Variants in PCBD2 observed in about 807,000 individuals in gnomAD.
PCBD2 encodes the protein pterin-4 alpha-carbinolamine dehydratase 2, also known as pterin-4-alpha-carbinolamine dehydratase 2.
In PCBD2, 12 loss-of-function variants were observed where a neutral mutation model predicts 16.4. That is an observed-to-expected ratio of 0.73 (90% CI 0.47 to 1.19). The LOEUF (loss-of-function observed/expected upper bound fraction) is 1.19, where lower values mean the gene tolerates loss of function less well. Ranked by LOEUF, PCBD2 falls within the 50% of genes most tolerant of loss-of-function variation. PCBD2 has a pLI of 0.00. For missense variants in PCBD2, 138 were observed against 156.8 expected, an observed-to-expected ratio of 0.88 and a Z score of 0.64; for synonymous variants, 58 against 61.8, an observed-to-expected ratio of 0.94 and a Z score of 0.29.
At chr5:134,951,765 C>G (rs1189656529) in intron 2 of PCBD2, among the ~76,000 whole-genome samples, 1 of 152,030 alleles carries the variant, frequency 6.6e-6, no homozygotes, top group Non-Finnish European at 1.5e-5. Flanking sequence ...GTTTCAGAAC[C>G]ATTTGAATTT....
At chr5:134,925,508 C>T (rs1750978087) in intron 2 of PCBD2, 6 of 398,342 alleles carry the variant, frequency 1.5e-5, no homozygotes, top group East Asian at 1.4e-4. Flanking sequence ...TGGTTGATGC[C>T]GATTGTGACT....
At chr5:134,946,113 CAAAA>C (rs956738222) in intron 2 of PCBD2, among the ~76,000 whole-genome samples, 19 of 150,800 alleles carry the variant, frequency 1.3e-4, no homozygotes, top group African/African-American at 4.6e-4. Context: ...AAAACAAAAA[CAAAA>C]AATCCCTACT....
chr5:134,936,347 C>CA (rs1365337622), intron 2 of PCBD2, among the ~76,000 whole-genome samples: 5 of 152,176 alleles, frequency 3.3e-5, no homozygotes, highest in Non-Finnish European at 7.3e-5. Flanking sequence ...TCTGCTCCTT[C>CA]ACTCCTTAAT....
intron 2 of PCBD2, chr5:134,923,852 G>A: frequency 5.1e-6 from 2 of 394,306 alleles, no homozygotes; most frequent in East Asian, 3.6e-5. Context: ...TGATATGGGC[G>A]ATCGATGAGA....
chr5:134,916,416 CTTGG>C (rs1285946869), intron 2 of PCBD2, among the ~76,000 whole-genome samples: 1 of 152,078 alleles, frequency 6.6e-6, no homozygotes, highest in East Asian at 1.9e-4. Flanking sequence ...TATGATTTTA[CTTGG>C]TTGGGTGTCA....
In PCBD2 at chr5:134,910,303, A is replaced by G. The variant is rs1360249261; in HGVS notation, c.85-32A>G. The G allele has an allele frequency of 3.1e-6, 5 of 1,602,944 alleles. No homozygotes were observed. The South Asian group carries it at 3.4e-5, about 11-fold the overall frequency. On this transcript the variant is annotated intron_variant, in intron 1 of 3. Coordinates refer to ENST00000254908, the MANE Select transcript of PCBD2 (RefSeq NM_032151.5). ...AGTTTGAGTTTGAGTAAACTTGTAC[A>G]TTTTCAGATATGAAATGTGTTCTCT...
chr5:134,924,575 A>G, intron 2 of PCBD2: 1 of 398,856 alleles, frequency 2.5e-6, no homozygotes, highest in Non-Finnish European at 4.4e-6. Context: ...ATGGGCGTTG[A>G]TTAGTAGTAG....
Position 134,960,709 on chromosome 5 carries a change from G to C in PCBD2, c.*28G>C. On this transcript the variant is annotated 3_prime_UTR_variant, in exon 4 of 4. Transcript: ENST00000254908. Reference sequence around the variant, plus strand: ...TCTTCCAAAATACATGTAAAATCTTGTACACATCTTAGCTGCAATGTATGT... The same window carrying C: ...TCTTCCAAAATACATGTAAAATCTTCTACACATCTTAGCTGCAATGTATGT... 6.6e-7 allele frequency: 1 copy of C among 1,518,188 alleles called. No individual in the cohort carries two copies. The allele number at this position is 1,518,188 out of a possible 1,614,324, so 94.0% of individuals were successfully genotyped here. A position where few individuals can be genotyped will look rare whatever the true frequency, so the allele number is the denominator to read the frequency against.
chr5:134,932,691 C>A (rs1404345321), intron 2 of PCBD2, among the ~76,000 whole-genome samples: 1 of 151,452 alleles, frequency 6.6e-6, no homozygotes, highest in Non-Finnish European at 1.5e-5. Context: ...ACTATGTTGC[C>A]CAGGCTGGTC....
At chr5:134,910,545 T>A in intron 2 of PCBD2, 79 bp downstream of exon 2, 1 of 1,488,256 alleles carries the variant, frequency 6.7e-7, no homozygotes, top group Non-Finnish European at 9.2e-7. Context: ...TTCTGCCAGT[T>A]GTCTGGTCCC....
chr5:134,956,764 C>A (rs1399056646), intron 2 of PCBD2, among the ~76,000 whole-genome samples: 1 of 152,186 alleles, frequency 6.6e-6, no homozygotes, highest in African/African-American at 2.4e-5. Flanking sequence ...TTCTCAAGCC[C>A]ATGGAGAGCT....
intron 2 of PCBD2, among the ~76,000 whole-genome samples, chr5:134,932,344 A>AT (rs57518624): frequency 0.012 from 1,740 of 147,250 alleles, 32 homozygotes; most frequent in African/African-American, 0.041. Context: ...TGCCTGGCTA[A>AT]TTTTTTTTTT....
At chr5:134,934,200 C>G (rs1180133082) in intron 2 of PCBD2, among the ~76,000 whole-genome samples, 2 of 151,786 alleles carry the variant, frequency 1.3e-5, no homozygotes, top group Non-Finnish European at 2.9e-5. Context: ...TGTACTTTCC[C>G]CTTTGTATTT....
chr5:134,931,492 GGTT>G (rs1751095119), intron 2 of PCBD2, among the ~76,000 whole-genome samples: 1 of 152,154 alleles, frequency 6.6e-6, no homozygotes, highest in South Asian at 2.1e-4. Context: ...AACTAACATA[GGTT>G]GTTTCATTGA....
At chr5:134,960,013 C>T (rs972479729) in intron 3 of PCBD2, among the ~76,000 whole-genome samples, 18 of 151,082 alleles carry the variant, frequency 1.2e-4, no homozygotes, top group African/African-American at 4.1e-4. Flanking sequence ...GCCTCAGCCT[C>T]CCGAGTAGCT....
Position 134,919,808 on chromosome 5 carries a change from C to T in PCBD2, c.216+9342C>T, listed in dbSNP as rs74691932. ...TCATTTCTGTTCTGTTTCTGTTTTTCGTTAGTATGCCTGCCCACCGCTTCA... is the reference window on the plus strand; with the variant it reads ...TCATTTCTGTTCTGTTTCTGTTTTTTGTTAGTATGCCTGCCCACCGCTTCA... On this transcript the variant is annotated intron_variant, in intron 2 of 3. Coordinates refer to ENST00000254908, the MANE Select transcript of PCBD2 (RefSeq NM_032151.5). 8.6e-3 allele frequency among the ~76,000 whole-genome samples: 1,306 copies of T among 152,216 alleles called. 13 individuals carry two copies. Among genetic ancestry groups the T allele is most frequent in the African/African-American group, 0.03 (1,243 of 41,530 alleles).
chr5:134,923,031 G>T (rs1456439644), intron 2 of PCBD2, among the ~76,000 whole-genome samples: 3 of 152,112 alleles, frequency 2.0e-5, no homozygotes, highest in Non-Finnish European at 4.4e-5. Flanking sequence ...TATGGGTCAT[G>T]GCACTATGGG....
chr5:134,905,230 G>A lies in PCBD2; in HGVS notation c.84+7G>A, dbSNP rs922880507. On this transcript the variant is annotated splice_region_variant and intron_variant, in intron 1 of 3. Transcript: ENST00000254908. Reference sequence around the variant, plus strand: ...CCTAGGGCTAGCGGCCATGGTGAGTGCACAGCGGCCGCGTGGGTGGGGGTC... The same window carrying A: ...CCTAGGGCTAGCGGCCATGGTGAGTACACAGCGGCCGCGTGGGTGGGGGTC... 8.2e-7 allele frequency: 1 copy of A among 1,223,310 alleles called. No individual in the cohort carries two copies. Among genetic ancestry groups the A allele is most frequent in the South Asian group, 4.1e-5 (1 of 24,256 alleles). 75.8% of individuals were successfully genotyped at this position (1,223,310 alleles called of 1,614,324 possible).
At chr5:134,921,633 A>C (rs1460355522) in intron 2 of PCBD2, among the ~76,000 whole-genome samples, 1 of 152,118 alleles carries the variant, frequency 6.6e-6, no homozygotes, top group Non-Finnish European at 1.5e-5. Flanking sequence ...TTGTCTCTCT[A>C]ACTGTCCTTC....
Sources: allele counts gnomAD v4.1 joint callset (sites outside exome capture counted in the v4.1 genomes callset), GRCh38; gene constraint gnomAD v4.1.1; transcripts MANE v1.5; gene names NCBI Gene and HGNC (gene_info 2026-07-23, HGNC 2026-07-21).